ZNHIT3: variants seen among roughly 807,000 people sequenced by gnomAD.
ZNHIT3 encodes zinc finger HIT-type containing 3, also known as zinc finger HIT domain-containing protein 3.
A neutral mutation model predicts 19.9 loss-of-function variants in ZNHIT3; 27 were observed. The observed-to-expected ratio is 1.36, with a 90% CI of 1.00 to 1.87. The LOEUF (loss-of-function observed/expected upper bound fraction) is 1.87. Ranked by LOEUF, ZNHIT3 falls within the 40% of genes most tolerant of loss-of-function variation. ZNHIT3 has a pLI of 0.00. For missense variants in ZNHIT3, 215 were observed against 185.6 expected, an observed-to-expected ratio of 1.16 and a Z score of -0.92; for synonymous variants, 81 against 65.7, an observed-to-expected ratio of 1.23 and a Z score of -1.13.
chr17:36,498,476 G>C (rs774544980), downstream of ZNHIT3: 53 of 1,613,954 alleles, frequency 3.3e-5, no homozygotes, highest in Non-Finnish European at 4.4e-5. Flanking sequence ...GCAGCGGCGA[G>C]GTGCTCAGGG....
chr17:36,493,281 A>G, intron 3 of ZNHIT3: 1 of 256,838 alleles, frequency 3.9e-6, no homozygotes, highest in South Asian at 6.1e-5. Flanking sequence ...TTTGTCCTAG[A>G]TCATCTCGCT....
chr17:36,488,849 C>G (rs2070655501), intron 2 of ZNHIT3, among the ~76,000 whole-genome samples: 1 of 152,212 alleles, frequency 6.6e-6, no homozygotes, highest in Non-Finnish European at 1.5e-5. Flanking sequence ...TCTCTTGTAG[C>G]TATTTGAAAG....
chr17:36,492,928 C>G (rs1280153797), intron 3 of ZNHIT3, 29 bp downstream of exon 3: 1 of 1,596,208 alleles, frequency 6.3e-7, no homozygotes, highest in Admixed American at 1.7e-5. Flanking sequence ...AACAAATCTA[C>G]AAGGGACTTC....
intron 2 of ZNHIT3, chr17:36,490,609 C>T (rs1300536383): frequency 2.6e-5 from 4 of 152,030 alleles, no homozygotes; most frequent in African/African-American, 7.2e-5. Context: ...TTTTTTTTGA[C>T]ATTTCTGTGA....
chr17:36,499,165 G>A, downstream of ZNHIT3: 1 of 1,598,328 alleles, frequency 6.3e-7, no homozygotes, highest in African/African-American at 1.3e-5. Context: ...GAATGGCTAA[G>A]AGGTTTGCCC....
At position 36,495,756 on chromosome 17, in the gene ZNHIT3, A is replaced by G; in HGVS notation, c.*352A>G. 6 of 1,246,854 alleles carry G rather than the reference A, an allele frequency of 4.8e-6. No homozygotes were observed. The highest frequency in any genetic ancestry group is 6.0e-6 in the Non-Finnish European group (6 of 996,684). 77.2% of individuals were successfully genotyped at this position (1,246,854 alleles called of 1,614,324 possible). ...TAAAATCAAAACGTGATTCTACTGT[A>G]CATTGCATTATTCATAATTTAATTG... On this transcript the variant is annotated 3_prime_UTR_variant, in exon 5 of 5. Coordinates refer to ENST00000617429, the MANE Select transcript of ZNHIT3 (RefSeq NM_004773.4).
downstream of ZNHIT3, chr17:36,498,597 T>C (rs1041138117): frequency 2.6e-6 from 4 of 1,556,892 alleles, no homozygotes; most frequent in Non-Finnish European, 3.5e-6. Flanking sequence ...TTTAGATTTA[T>C]CTAGCCCTCT....
chr17:36,486,939 T>TC lies in ZNHIT3; in HGVS notation c.92dup (p.Val32GlyfsTer14). On this transcript the variant is annotated frameshift_variant, in exon 2 of 5. Coordinates refer to ENST00000617429, the MANE Select transcript of ZNHIT3 (RefSeq NM_004773.4). LOFTEE classifies it high-confidence loss of function. Reference sequence around the variant, plus strand: ...CTGTGGCCTCTGTTGTTACAGCTGCTCGGTAGTCTGCTTCCGGAAGCACAA... The same window carrying TC: ...CTGTGGCCTCTGTTGTTACAGCTGCTCCGGTAGTCTGCTTCCGGAAGCACAA... 6.2e-7 allele frequency: 1 copy of TC among 1,611,380 alleles called. No homozygotes were observed. The highest frequency in any genetic ancestry group is 8.5e-7 in the Non-Finnish European group (1 of 1,179,484).
At chr17:36,491,463 C>T (rs114479691) in intron 2 of ZNHIT3, 2,887 of 152,316 alleles carry the variant, frequency 0.019, 85 homozygotes, top group African/African-American at 0.06. Flanking sequence ...TCCTGAGTAA[C>T]GGAGACAAAC....
downstream of ZNHIT3, chr17:36,498,092 CAAAA>C: frequency 4.7e-6 from 3 of 637,970 alleles, no homozygotes; most frequent in Non-Finnish European, 7.7e-6. Flanking sequence ...CCAGTTATAA[CAAAA>C]TAAATAATCC....
chr17:36,492,612 A>T, intron 2 of ZNHIT3: 1 of 591,164 alleles, frequency 1.7e-6, no homozygotes, highest in South Asian at 2.1e-5. Context: ...TGCATGAATG[A>T]GTCCTGCTTT....
intron 2 of ZNHIT3, 30 bp from the exon 3 acceptor site, chr17:36,492,781 TAA>T: frequency 6.3e-7 from 1 of 1,598,556 alleles, no homozygotes; most frequent in Non-Finnish European, 8.6e-7. Context: ...GAAATGGAGG[TAA>T]TGTGGGCCTG....
chr17:36,499,017 TC>T (rs2071257148), downstream of ZNHIT3: 5 of 1,378,398 alleles, frequency 3.6e-6, 1 homozygote, highest in South Asian at 6.2e-5. Context: ...CCCACTCGGG[TC>T]CATCTGGTCC....
chr17:36,496,197 CTT>C, downstream of ZNHIT3: 1 of 1,603,946 alleles, frequency 6.2e-7, no homozygotes, highest in Non-Finnish European at 8.5e-7. Flanking sequence ...GATTAAATGT[CTT>C]TGGCAAGGCA....
In ZNHIT3 at chr17:36,495,349, A is replaced by C; in HGVS notation, c.413A>C (p.Glu138Ala). 6.2e-7 allele frequency: 1 copy of C among 1,613,118 alleles called. No homozygotes were observed. Among genetic ancestry groups the C allele is most frequent in the Non-Finnish European group, 8.5e-7 (1 of 1,179,822 alleles). The change falls in exon 5 of 5, where the codon GAG becomes GCG. Residue 138 changes from glutamate to alanine, a missense_variant. Transcript: ENST00000617429. ...RAYMQEPLFV[E>A]FADCCLGIVE... ...TACATGCAAGAGCCTTTGTTTGTGG[A>C]GTTTGCAGACTGCTGTTTAGGAATT...
Position 36,486,784 on chromosome 17 carries a change from T to C in ZNHIT3, c.85T>C (p.Tyr29His). 6.2e-6 allele frequency: 10 copies of C among 1,612,036 alleles called. No individual in the cohort carries two copies. The highest frequency in any genetic ancestry group is 8.5e-6 in the Non-Finnish European group (10 of 1,179,348). Reference sequence around the variant, plus strand: ...CCGCTGTCCAGCCTGCCGCGTGCCCTAGTGAGCGGGGAGGTCGCGGGGTCC... The same window carrying C: ...CCGCTGTCCAGCCTGCCGCGTGCCCCAGTGAGCGGGGAGGTCGCGGGGTCC... The part of the protein sequence containing the change: ...KYRCPACRVP[Y>H]CSVVCFRKHK... The change falls in exon 1 of 5, where the codon TAC becomes CAC. Residue 29 changes from tyrosine to histidine, a missense_variant and splice_region_variant. Tyr to His is a moderately conservative substitution (Grantham distance 83). Transcript: ENST00000617429.
At chr17:36,488,250 C>T (rs1266448225) in intron 2 of ZNHIT3, among the ~76,000 whole-genome samples, 1 of 151,204 alleles carries the variant, frequency 6.6e-6, no homozygotes, top group Admixed American at 6.6e-5. Flanking sequence ...CTTTTTAAAA[C>T]CTAGTGCATA....
At position 36,493,532 on chromosome 17, in the gene ZNHIT3, CAGG is replaced by C. The variant is rs142073021; in HGVS notation, c.206-391_206-389del. On this transcript the variant is annotated intron_variant, in intron 3 of 4. Coordinates refer to ENST00000617429, the MANE Select transcript of ZNHIT3 (RefSeq NM_004773.4). ...GCAGTTTCTGCCCATGCTGAAAGCA[CAGG>C]AGATTCTACTTGGCTGGTTTTTACA... 2.6e-3 allele frequency among the ~76,000 whole-genome samples: 389 copies of C among 152,330 alleles called. 1 individual carries two copies. The highest frequency in any genetic ancestry group is 8.9e-3 in the African/African-American group (371 of 41,578).
rs1397314076 is a variant in ZNHIT3, at chr17:36,495,481, G to C, written c.*77G>C. ...CCTGCTCCCTCTCCCAGACCAGCTA[G>C]TTTGGGGCTGGGGAGCTCAGGCAAA... On this transcript the variant is annotated 3_prime_UTR_variant, in exon 5 of 5. Transcript: ENST00000617429. 6.8e-7 allele frequency: 1 copy of C among 1,462,096 alleles called. No individual in the cohort carries two copies. The highest frequency in any genetic ancestry group is 9.0e-7 in the Non-Finnish European group (1 of 1,109,738). 90.6% of individuals were successfully genotyped at this position (1,462,096 alleles called of 1,614,324 possible).
Sources: allele counts gnomAD v4.1 joint callset (sites outside exome capture counted in the v4.1 genomes callset), GRCh38; gene constraint gnomAD v4.1.1; transcripts MANE v1.5; gene names NCBI Gene and HGNC (gene_info 2026-07-23, HGNC 2026-07-21).